The following CAPN13 variants were observed in gnomAD, a reference collection of about 807,000 sequenced individuals.
CAPN13 encodes the protein calpain-13.
Under a neutral mutation model 98.4 loss-of-function variants are expected in CAPN13, and 90 were observed. The ratio of observed to expected loss-of-function variants is 0.92; its 90% confidence interval spans 0.77 to 1.09. CAPN13 has a LOEUF of 1.09. CAPN13 is among the 50% of genes least tolerant of loss of function. CAPN13 has a pLI of 0.00. For missense variants in CAPN13, 887 were observed against 841.3 expected (o/e 1.05, Z -0.67); for synonymous variants, 330 against 305.5 (o/e 1.08, Z -0.84).
chr2:30,751,121 G>T lies in CAPN13; in HGVS notation c.1218C>A (p.Leu406=). 1 of 1,613,694 alleles carries T rather than the reference G, an allele frequency of 6.2e-7. No homozygotes were observed. Among genetic ancestry groups the T allele is most frequent in the Non-Finnish European group, 8.5e-7 (1 of 1,179,744 alleles). ...NLKAEDAKFP[L]DFQVILAGSQ... Reference sequence around the variant, plus strand: ...GCCTTACCAGAATCACTTGGAAATCGAGTGGAAATTTTGCATCTTCTGCTT... The same window carrying T: ...GCCTTACCAGAATCACTTGGAAATCTAGTGGAAATTTTGCATCTTCTGCTT... The change falls in exon 11 of 23, where the codon CTC becomes CTA. Residue 406 remains leucine, a synonymous_variant. Transcript: ENST00000295055.
rs1671261715 is a variant in CAPN13, at chr2:30,734,511, T to G, written c.1736A>C (p.Lys579Thr). 1 of 1,613,658 alleles carries G rather than the reference T, an allele frequency of 6.2e-7. No homozygotes were observed. Among genetic ancestry groups the G allele is most frequent in the Non-Finnish European group, 8.5e-7 (1 of 1,179,714 alleles). ...RLVHYQHVFQKVQTSPGVLLS... is the reference protein window; with the variant it reads ...RLVHYQHVFQTVQTSPGVLLS... ...GAGGACTCCAGGGCTTGTCTGAACC[T>G]TCTGGAAAACATGCTAATAGGGGAA... Residue 579 changes from lysine (K) to threonine (T), a missense_variant, in exon 19 of 23, where the codon AAG becomes ACG. Lys to Thr is a moderately conservative substitution (Grantham distance 78, BLOSUM62 -1). Transcript: ENST00000295055.
chr2:30,743,656 C>G (rs1286851888), intron 12 of CAPN13, 77 bp from the exon 13 acceptor site: 1 of 1,259,230 alleles, frequency 7.9e-7, no homozygotes, highest in East Asian at 2.3e-5. Context: ...AAAGACCCAC[C>G]ACCTTCTAGA....
intron 14 of CAPN13, 67 bp downstream of exon 14, chr2:30,742,259 G>A (rs1032543716): frequency 1.3e-6 from 2 of 1,530,324 alleles, no homozygotes; most frequent in Non-Finnish European, 1.8e-6. Flanking sequence ...TAAAGAAGGA[G>A]ACGGAAGCTC....
At chr2:30,801,563 C>T (rs557119219) in intron 1 of CAPN13, among the ~76,000 whole-genome samples, 4 of 146,384 alleles carry the variant, frequency 2.7e-5, no homozygotes, top group African/African-American at 1.0e-4. Context: ...CAAGATCATG[C>T]CATTGCACTC....
At chr2:30,744,910 G>A (rs1207523760) in intron 12 of CAPN13, among the ~76,000 whole-genome samples, 11 of 152,166 alleles carry the variant, frequency 7.2e-5, no homozygotes, top group African/African-American at 2.7e-4. Context: ...TTGCACCTGA[G>A]TGCTTCTCTC....
intron 12 of CAPN13, 178 bp from the exon 13 acceptor site, chr2:30,743,757 C>T (rs777303096): frequency 1.4e-6 from 1 of 705,590 alleles, no homozygotes; most frequent in Non-Finnish European, 2.6e-6. Flanking sequence ...TTTAGCCTGT[C>T]ATTTCATCTA....
chr2:30,758,356 C>A (rs1672569669), intron 7 of CAPN13, among the ~76,000 whole-genome samples: 1 of 152,242 alleles, frequency 6.6e-6, no homozygotes, highest in African/African-American at 2.4e-5. Flanking sequence ...CCTCATTCCG[C>A]TCAGCCCCTT....
At chr2:30,776,327 G>T (rs1406362859) in intron 3 of CAPN13, among the ~76,000 whole-genome samples, 1 of 152,082 alleles carries the variant, frequency 6.6e-6, no homozygotes, top group African/African-American at 2.4e-5. Context: ...CGCCTCCCGG[G>T]TTCAAGAGAT....
chr2:30,749,117 T>C (rs980283955), intron 11 of CAPN13, among the ~76,000 whole-genome samples: 4 of 152,168 alleles, frequency 2.6e-5, no homozygotes, highest in Admixed American at 2.6e-4. Context: ...TAGTTGTGCT[T>C]TTGAGACAAT....
In CAPN13 at chr2:30,732,580, T is replaced by G; in HGVS notation, c.1799-14A>C. 1 of 1,602,084 alleles carries G rather than the reference T, an allele frequency of 6.2e-7. No homozygotes were observed. Among genetic ancestry groups the G allele is most frequent in the Non-Finnish European group, 8.5e-7 (1 of 1,175,816 alleles). On this transcript the variant is annotated splice_polypyrimidine_tract_variant and intron_variant, in intron 19 of 22. Transcript: ENST00000295055. ...CTCTGAGGAAGTCTGGGGCCACAGG[T>G]GAACGAGTGAGTGAGAGGAGGCTAG...
At chr2:30,726,891 T>C (rs1052232512) in intron 22 of CAPN13, among the ~76,000 whole-genome samples, 2 of 152,152 alleles carry the variant, frequency 1.3e-5, no homozygotes, top group Admixed American at 1.3e-4. Context: ...AGAGCCAAAA[T>C]AGTCTTGAAA....
chr2:30,806,293 C>T (rs1439900570), intron 1 of CAPN13: 1 of 152,122 alleles, frequency 6.6e-6, no homozygotes, highest in African/African-American at 2.4e-5. Flanking sequence ...TGAACTCATG[C>T]TATATATAGC....
intron 7 of CAPN13, among the ~76,000 whole-genome samples, chr2:30,759,305 AAGG>A (rs2148011072): frequency 6.6e-6 from 1 of 152,144 alleles, no homozygotes; most frequent in Non-Finnish European, 1.5e-5. Context: ...CACTTCAGAT[AAGG>A]AGGTCTACCC....
At chr2:30,756,978 TG>T (rs1238426173) in intron 8 of CAPN13, among the ~76,000 whole-genome samples, 1 of 152,212 alleles carries the variant, frequency 6.6e-6, no homozygotes, top group East Asian at 1.9e-4. Flanking sequence ...GGAGCGGTCC[TG>T]CCACAGCTTA....
intron 9 of CAPN13, among the ~76,000 whole-genome samples, chr2:30,753,713 C>G (rs945330481): frequency 6.6e-6 from 1 of 152,182 alleles, no homozygotes; most frequent in Admixed American, 6.5e-5. Flanking sequence ...TAGATCCATG[C>G]TCCTTTCCAC....
intron 1 of CAPN13, among the ~76,000 whole-genome samples, chr2:30,800,656 G>A (rs1457728987): frequency 2.0e-5 from 3 of 152,180 alleles, no homozygotes; most frequent in African/African-American, 4.8e-5. Flanking sequence ...GAGACAACAG[G>A]TTCTTATGTA....
chr2:30,763,085 C>T lies in CAPN13; in HGVS notation c.771G>A (p.Glu257=), dbSNP rs1672927226. ...ACAGGCCAGCAGCCAGCCTTACCTG[C>T]TCAGCCCCAGTCACAGTGTAGGCAT... ...SLHAYTVTGA[E]QIQYRRGWEE... Residue 257 remains glutamate, a synonymous_variant, in exon 7 of 23, where the codon GAG becomes GAA. Coordinates refer to ENST00000295055, the MANE Select transcript of CAPN13 (RefSeq NM_144575.3). The T allele has an allele frequency of 6.2e-7, 1 of 1,607,798 alleles. No homozygotes were observed. Among genetic ancestry groups the T allele is most frequent in the Non-Finnish European group, 8.5e-7 (1 of 1,177,240 alleles).
intron 11 of CAPN13, 46 bp from the exon 12 acceptor site, chr2:30,745,780 AC>A (rs1272269315): frequency 1.3e-6 from 2 of 1,575,286 alleles, no homozygotes; most frequent in African/African-American, 2.7e-5. Context: ...TCAGACGTAA[AC>A]AAAAAGGCAA....
At chr2:30,774,375 A>AAAACAAAC (rs926855431) in intron 4 of CAPN13, among the ~76,000 whole-genome samples, 34 of 152,244 alleles carry the variant, frequency 2.2e-4, no homozygotes, top group African/African-American at 7.7e-4. Flanking sequence ...GATTTGTCAA[A>AAAACAAAC]AAACAAACAA....
Sources: gnomAD v4.1 joint callset for allele counts (sites outside exome capture counted in the v4.1 genomes callset) on GRCh38, gnomAD v4.1.1 for gene constraint, MANE v1.5 for transcripts, NCBI Gene and HGNC (gene_info 2026-07-23, HGNC 2026-07-21) for gene names.